Variants in CCSER1 observed in about 807,000 individuals in gnomAD.
The protein encoded by CCSER1 is coiled-coil serine rich protein 1.
CCSER1 carries 41 observed loss-of-function variants against 82.0 expected under a neutral mutation model. That is an observed-to-expected ratio of 0.50 (90% CI 0.39 to 0.65). The LOEUF (loss-of-function observed/expected upper bound fraction) is 0.65. Among genes scored for constraint, CCSER1 ranks in the 30% least tolerant of loss-of-function variants. CCSER1 has a pLI of 0.00. For missense variants in CCSER1, 1,119 were observed against 1,064.2 expected (o/e 1.05, Z -0.72); for synonymous variants, 414 against 383.9 (o/e 1.08, Z -0.92).
chr4:91,196,951 A>T (rs1171566376), intron 10 of CCSER1, among the ~76,000 whole-genome samples: 1 of 152,186 alleles, frequency 6.6e-6, no homozygotes, highest in African/African-American at 2.4e-5. Flanking sequence ...TTGGTCAGGG[A>T]GCTAGCTCCA....
intron 10 of CCSER1, among the ~76,000 whole-genome samples, chr4:91,153,187 T>G (rs1730425219): frequency 6.6e-6 from 1 of 152,026 alleles, no homozygotes; most frequent in African/African-American, 2.4e-5. Context: ...AGTCCCATAT[T>G]TCTTAGAGGC....
intron 7 of CCSER1, among the ~76,000 whole-genome samples, chr4:90,742,632 A>G (rs1243354841): frequency 1.3e-5 from 2 of 152,168 alleles, no homozygotes; most frequent in African/African-American, 2.4e-5. Context: ...GAAAAAAATA[A>G]CTTTCAATTG....
chr4:90,338,958 A>G (rs1340365818), intron 3 of CCSER1, among the ~76,000 whole-genome samples: 2 of 152,168 alleles, frequency 1.3e-5, no homozygotes, highest in African/African-American at 4.8e-5. Context: ...TTCTACAAGG[A>G]GTCTCGAGTA....
intron 9 of CCSER1, among the ~76,000 whole-genome samples, chr4:91,037,604 A>G (rs2150570024): frequency 6.6e-6 from 1 of 151,894 alleles, no homozygotes; most frequent in African/African-American, 2.4e-5. Flanking sequence ...TCTCCTTCCT[A>G]CTTTGTAATT....
At chr4:90,135,162 A>T (rs1407032523) in intron 1 of CCSER1, among the ~76,000 whole-genome samples, 2 of 152,212 alleles carry the variant, frequency 1.3e-5, no homozygotes. Flanking sequence ...TTCTAGCCTA[A>T]CATTTTGTGG....
chr4:90,758,158 G>A (rs966737688), intron 7 of CCSER1, among the ~76,000 whole-genome samples: 2 of 152,050 alleles, frequency 1.3e-5, no homozygotes, highest in African/African-American at 2.4e-5. Context: ...GGCTGGGCTC[G>A]AACCCTGACC....
At chr4:91,494,960 C>T (rs1381012800) in intron 10 of CCSER1, among the ~76,000 whole-genome samples, 7 of 151,590 alleles carry the variant, frequency 4.6e-5, no homozygotes, top group Non-Finnish European at 1.0e-4. Context: ...GTTTGAGGCT[C>T]AAATATCCAA....
chr4:90,161,140 T>C (rs994731959), intron 1 of CCSER1, among the ~76,000 whole-genome samples: 3 of 152,164 alleles, frequency 2.0e-5, no homozygotes, highest in African/African-American at 7.2e-5. Flanking sequence ...GTATGTAAAC[T>C]TGTGAAGTCT....
intron 10 of CCSER1, among the ~76,000 whole-genome samples, chr4:91,129,273 T>A (rs182257049): frequency 2.6e-5 from 4 of 151,984 alleles, no homozygotes; most frequent in Non-Finnish European, 4.4e-5. Flanking sequence ...TAAGAAAATA[T>A]ATGTTTCAAT....
chr4:90,532,708 C>T (rs1011159772), intron 5 of CCSER1, among the ~76,000 whole-genome samples: 1 of 152,094 alleles, frequency 6.6e-6, no homozygotes, highest in East Asian at 1.9e-4. Flanking sequence ...GTATGGACTT[C>T]TACCAAAATT....
chr4:91,289,006 G>A (rs758133290), intron 10 of CCSER1, among the ~76,000 whole-genome samples: 6 of 152,052 alleles, frequency 3.9e-5, no homozygotes, highest in African/African-American at 1.2e-4. Context: ...AGTCACAAGA[G>A]TGTGGAAAGA....
intron 4 of CCSER1, among the ~76,000 whole-genome samples, chr4:90,420,926 C>G (rs1016918817): frequency 1.3e-5 from 2 of 152,034 alleles, no homozygotes; most frequent in African/African-American, 4.8e-5. Context: ...AATTTCATGG[C>G]CTCTTACAAT....
At chr4:91,394,890 C>T (rs1751874408) in intron 10 of CCSER1, among the ~76,000 whole-genome samples, 1 of 151,652 alleles carries the variant, frequency 6.6e-6, no homozygotes, top group East Asian at 1.9e-4. Flanking sequence ...GAGTGACCTA[C>T]ATTTTTTCAC....
At chr4:91,068,198 C>T (rs576649612) in intron 9 of CCSER1, among the ~76,000 whole-genome samples, 1 of 152,154 alleles carries the variant, frequency 6.6e-6, no homozygotes, top group African/African-American at 2.4e-5. Flanking sequence ...TAGTAGGATC[C>T]AATTCTCAGA....
intron 9 of CCSER1, among the ~76,000 whole-genome samples, chr4:91,071,835 C>T (rs1432788314): frequency 6.6e-6 from 1 of 152,136 alleles, no homozygotes; most frequent in Non-Finnish European, 1.5e-5. Context: ...AGACTGTTTA[C>T]CACCATGATT....
intron 8 of CCSER1, among the ~76,000 whole-genome samples, chr4:90,922,517 G>A (rs1728533273): frequency 6.6e-6 from 1 of 152,098 alleles, no homozygotes; most frequent in Non-Finnish European, 1.5e-5. Context: ...TTTAAAGCAA[G>A]TGGAAAGCAC....
At chr4:91,017,086 G>A (rs1739495124) in intron 9 of CCSER1, 1 of 152,178 alleles carries the variant, frequency 6.6e-6, no homozygotes, top group African/African-American at 2.4e-5. Context: ...TAAGATAATT[G>A]AGGGAGAGCA....
intron 6 of CCSER1, among the ~76,000 whole-genome samples, chr4:90,665,307 A>C (rs1731527858): frequency 6.6e-6 from 1 of 150,500 alleles, no homozygotes; most frequent in African/African-American, 2.5e-5. Flanking sequence ...AAGGACTGAA[A>C]CATATGCTGA....
chr4:91,548,774 C>T (rs533960607), intron 10 of CCSER1, among the ~76,000 whole-genome samples: 21 of 152,034 alleles, frequency 1.4e-4, no homozygotes, highest in African/African-American at 4.8e-4. Context: ...CACACCATCC[C>T]CCTGGCTTCT....
Sources: gnomAD v4.1 joint callset for allele counts (sites outside exome capture counted in the v4.1 genomes callset) on GRCh38, gnomAD v4.1.1 for gene constraint, MANE v1.5 for transcripts, NCBI Gene and HGNC (gene_info 2026-07-23, HGNC 2026-07-21) for gene names.